Variants in FBXL17 observed in about 807,000 individuals in gnomAD.
FBXL17 encodes the protein F-box/LRR-repeat protein 17.
Under a neutral mutation model 66.2 loss-of-function variants are expected in FBXL17, and 22 were observed. The ratio of observed to expected loss-of-function variants is 0.33; its 90% CI spans 0.24 to 0.47. The LOEUF is 0.47. Among genes scored for constraint, FBXL17 ranks in the 20% least tolerant of loss-of-function variants. FBXL17 has a pLI of 1.00. For synonymous variants in FBXL17, 474 were observed against 400.5 expected (o/e 1.18, Z -2.19); for missense variants, 878 against 948.2 (o/e 0.93, Z 0.97).
At chr5:108,102,831 T>C (rs1209767912) in intron 6 of FBXL17, among the ~76,000 whole-genome samples, 3 of 152,174 alleles carry the variant, frequency 2.0e-5, no homozygotes, top group East Asian at 3.8e-4. Context: ...AGAATAAATA[T>C]ATAAATAATA....
chr5:108,054,680 T>C (rs1747617918), intron 6 of FBXL17, among the ~76,000 whole-genome samples: 1 of 152,196 alleles, frequency 6.6e-6, no homozygotes, highest in African/African-American at 2.4e-5. Context: ...AAAAGATTTT[T>C]CTCTTATAAG....
At chr5:107,921,445 A>G (rs1390526371) in intron 7 of FBXL17, among the ~76,000 whole-genome samples, 1 of 152,178 alleles carries the variant, frequency 6.6e-6, no homozygotes, top group Non-Finnish European at 1.5e-5. Context: ...GCTTTAGTAG[A>G]TTTTCCATAG....
intron 8 of FBXL17, chr5:107,879,172 T>C: frequency 1.0e-6 from 1 of 985,442 alleles, no homozygotes; most frequent in Non-Finnish European, 1.2e-6. Context: ...ATGGAGCTGA[T>C]CTTAACCATC....
At chr5:107,938,353 G>T (rs557893473) in intron 7 of FBXL17, among the ~76,000 whole-genome samples, 1 of 152,166 alleles carries the variant, frequency 6.6e-6, no homozygotes, top group East Asian at 1.9e-4. Context: ...AAAAAACGGG[G>T]TAGCTCATAC....
At chr5:108,038,750 T>G (rs910358682) in intron 6 of FBXL17, among the ~76,000 whole-genome samples, 8 of 152,060 alleles carry the variant, frequency 5.3e-5, no homozygotes, top group Admixed American at 1.3e-4. Context: ...GCTTTTGAAT[T>G]AGATGTGAGT....
At chr5:108,161,521 C>T (rs1752219499) in intron 6 of FBXL17, among the ~76,000 whole-genome samples, 1 of 151,934 alleles carries the variant, frequency 6.6e-6, no homozygotes, top group African/African-American at 2.4e-5. Context: ...CAAACTCAAC[C>T]AGTAAGTTGA....
intron 6 of FBXL17, among the ~76,000 whole-genome samples, chr5:108,115,063 T>C (rs868602682): frequency 5.3e-5 from 8 of 152,214 alleles, no homozygotes; most frequent in African/African-American, 9.6e-5. Context: ...TCAATGACAA[T>C]TGGGCAAATT....
intron 7 of FBXL17, among the ~76,000 whole-genome samples, chr5:108,003,805 GATAAA>G (rs1753827767): frequency 6.6e-6 from 1 of 152,026 alleles, no homozygotes; most frequent in Admixed American, 6.5e-5. Context: ...CATAGGGATG[GATAAA>G]ATAAAAGAGA....
At chr5:108,150,234 T>C (rs1326304167) in intron 6 of FBXL17, among the ~76,000 whole-genome samples, 1 of 151,642 alleles carries the variant, frequency 6.6e-6, no homozygotes, top group African/African-American at 2.4e-5. Context: ...TGATACAATC[T>C]TTTTTTTTCT....
intron 4 of FBXL17, among the ~76,000 whole-genome samples, chr5:108,325,560 A>C (rs1299803472): frequency 6.6e-6 from 1 of 152,184 alleles, no homozygotes; most frequent in Non-Finnish European, 1.5e-5. Flanking sequence ...TGTGAAAAAT[A>C]AGAAGAAAGG....
intron 6 of FBXL17, among the ~76,000 whole-genome samples, chr5:108,124,540 C>T (rs1750623642): frequency 6.6e-6 from 1 of 152,050 alleles, no homozygotes; most frequent in Non-Finnish European, 1.5e-5. Context: ...CCAGGAATGA[C>T]TAAACCAGAC....
intron 8 of FBXL17, among the ~76,000 whole-genome samples, chr5:107,878,023 T>C (rs1043768719): frequency 6.6e-6 from 1 of 152,056 alleles, no homozygotes; most frequent in Non-Finnish European, 1.5e-5. Context: ...CTCACCCTTT[T>C]CTCCCACTGC....
intron 6 of FBXL17, among the ~76,000 whole-genome samples, chr5:108,071,576 T>G (rs150630735): frequency 0.011 from 1,683 of 151,998 alleles, 15 homozygotes; most frequent in Non-Finnish European, 0.016. Context: ...CTCCTTCTCC[T>G]CCTGTTCCTC....
chr5:108,360,838 C>T (rs1295493191), intron 3 of FBXL17, among the ~76,000 whole-genome samples: 1 of 151,994 alleles, frequency 6.6e-6, no homozygotes, highest in South Asian at 2.1e-4. Flanking sequence ...TTCTTTCTTC[C>T]ACCTGCTCAC....
At chr5:108,289,770 C>G (rs1218810987) in intron 4 of FBXL17, among the ~76,000 whole-genome samples, 1 of 152,084 alleles carries the variant, frequency 6.6e-6, no homozygotes, top group East Asian at 1.9e-4. Flanking sequence ...ATCTGAAGAA[C>G]AGAAATTGCT....
rs1748854929 is a variant in FBXL17 at position 108,369,051 on chromosome 5, C to A, written c.994-1098G>T. ...CATGTAAATTGATAGCTTCTCTTCACAGATATGGGACAAATGACAGACAGA... is the reference window on the plus strand; with the variant it reads ...CATGTAAATTGATAGCTTCTCTTCAAAGATATGGGACAAATGACAGACAGA... On this transcript the variant is annotated intron_variant, in intron 1 of 8. Coordinates refer to ENST00000542267, the MANE Select transcript of FBXL17 (RefSeq NM_001163315.3). 2.0e-5 allele frequency among the ~76,000 whole-genome samples: 3 copies of A among 152,142 alleles called. No individual in the cohort carries two copies. In the South Asian group the frequency reaches 6.2e-4, roughly 31 times the overall value.
At chr5:108,144,569 G>A (rs1214723405) in intron 6 of FBXL17, among the ~76,000 whole-genome samples, 2 of 152,122 alleles carry the variant, frequency 1.3e-5, no homozygotes, top group African/African-American at 4.8e-5. Flanking sequence ...GATATACCAC[G>A]TGTTCCAACA....
At chr5:108,154,607 A>ATG (rs1751903532) in intron 6 of FBXL17, among the ~76,000 whole-genome samples, 1 of 64,868 alleles carries the variant, frequency 1.5e-5, no homozygotes, top group Non-Finnish European at 3.1e-5. Flanking sequence ...AAAAAAAAAA[A>ATG]TATATATATA....
intron 6 of FBXL17, among the ~76,000 whole-genome samples, chr5:108,150,093 C>T (rs1294642210): frequency 6.6e-6 from 1 of 152,158 alleles, no homozygotes; most frequent in Admixed American, 6.5e-5. Context: ...TTTTTCTTTG[C>T]AAAACCATTT....
Sources: allele counts gnomAD v4.1 joint callset (sites outside exome capture counted in the v4.1 genomes callset), GRCh38; gene constraint gnomAD v4.1.1; transcripts MANE v1.5; gene names NCBI Gene and HGNC (gene_info 2026-07-23, HGNC 2026-07-21).